ADCY1: variants seen among roughly 807,000 people sequenced by gnomAD.
ADCY1 encodes adenylate cyclase 1, also known as adenylate cyclase type 1.
A neutral mutation model predicts 105.4 loss-of-function variants in ADCY1; 28 were observed. The ratio of observed to expected loss-of-function variants is 0.27; its 90% CI spans 0.20 to 0.36. The LOEUF (loss-of-function observed/expected upper bound fraction) is 0.36, where lower values mean the gene tolerates loss of function less well. Ranked by LOEUF, ADCY1 falls within the 10% of genes least tolerant of loss-of-function variation. The pLI, the probability that ADCY1 is intolerant of heterozygous loss-of-function variation, is 1.00. For synonymous variants in ADCY1, 655 were observed against 623.8 expected (o/e 1.05, Z -0.75); for missense variants, 977 against 1,434.2 (o/e 0.68, Z 5.15).
At chr7:45,682,294 C>T (rs141881257) in intron 11 of ADCY1, among the ~76,000 whole-genome samples, 7 of 152,220 alleles carry the variant, frequency 4.6e-5, no homozygotes, top group African/African-American at 1.4e-4. Flanking sequence ...CTGCAGAGGG[C>T]GGCAGAGCTG....
intron 8 of ADCY1, among the ~76,000 whole-genome samples, chr7:45,671,876 C>T (rs1784374696): frequency 6.6e-6 from 1 of 152,026 alleles, no homozygotes; most frequent in Non-Finnish European, 1.5e-5. Context: ...CCTCCCAGTC[C>T]ATAGCTTGTC....
At chr7:45,611,195 A>C (rs1793580692) in intron 3 of ADCY1, among the ~76,000 whole-genome samples, 1 of 149,080 alleles carries the variant, frequency 6.7e-6, no homozygotes, top group East Asian at 2.0e-4. Context: ...GTGGGGAGAT[A>C]GGGGGAGTGT....
At chr7:45,697,480 T>TC (rs1173765756) in intron 14 of ADCY1, among the ~76,000 whole-genome samples, 1 of 138,112 alleles carries the variant, frequency 7.2e-6, no homozygotes, top group Admixed American at 8.2e-5. Context: ...AACCTCTCCC[T>TC]CCCGGGTTCA....
intron 4 of ADCY1, among the ~76,000 whole-genome samples, chr7:45,635,001 T>A (rs1794360609): frequency 6.6e-6 from 1 of 152,202 alleles, no homozygotes; most frequent in African/African-American, 2.4e-5. Flanking sequence ...TTTGGAATAG[T>A]TTTTGTAGAA....
chr7:45,583,127 T>C (rs970588198), intron 1 of ADCY1, among the ~76,000 whole-genome samples: 2 of 152,252 alleles, frequency 1.3e-5, no homozygotes, highest in African/African-American at 4.8e-5. Context: ...TGTGCCTGTG[T>C]GCACACATGT....
At chr7:45,606,390 TTTC>T (rs1223321911) in intron 2 of ADCY1, among the ~76,000 whole-genome samples, 3 of 152,176 alleles carry the variant, frequency 2.0e-5, no homozygotes, top group South Asian at 2.1e-4. Flanking sequence ...GTCTGGAAGT[TTTC>T]TTCTTGTGAG....
At chr7:45,628,539 T>TG (rs1437216396) in intron 4 of ADCY1, among the ~76,000 whole-genome samples, 1 of 152,082 alleles carries the variant, frequency 6.6e-6, no homozygotes, top group Non-Finnish European at 1.5e-5. Context: ...AAGGGGAACA[T>TG]GGGGAGTATA....
At position 45,686,159 on chromosome 7, in the gene ADCY1, C is replaced by T. The variant is rs183381014; in HGVS notation, c.2271C>T (p.Ser757=). The change falls in exon 13 of 20, where the codon TCC becomes TCT. Residue 757 remains serine, a synonymous_variant. Transcript: ENST00000297323. This position sits in a 1 kb window ranked among gnomAD's most constrained non-coding sequence, Gnocchi z 4.3. ...CCTTGCCAAAAATGATCCTGCTCTCCGGGCTCACCACGTCCTACATCCTCG... is the reference window on the plus strand; with the variant it reads ...CCTTGCCAAAAATGATCCTGCTCTCTGGGCTCACCACGTCCTACATCCTCG... The part of the protein sequence containing the change: ...VSSLPKMILL[S]GLTTSYILVL... 8.8e-5 allele frequency: 142 copies of T among 1,614,184 alleles called. No homozygotes were observed. Among genetic ancestry groups the T allele is most frequent in the Non-Finnish European group, 1.1e-4 (126 of 1,180,034 alleles).
chr7:45,591,329 C>G lies in ADCY1; in HGVS notation c.640-1430C>G, dbSNP rs910980520. Reference sequence around the variant, plus strand: ...CCCATCCTGCTGCCTGTAGCTTGGCCCGATCAGGGTGACACCCATCTGTCC... The same window carrying G: ...CCCATCCTGCTGCCTGTAGCTTGGCGCGATCAGGGTGACACCCATCTGTCC... On this transcript the variant is annotated intron_variant, in intron 1 of 19. Transcript: ENST00000297323. This position sits in a 1 kb window ranked among gnomAD's most constrained non-coding sequence, Gnocchi z 4.1. Among the ~76,000 whole-genome samples, 1 of 152,216 alleles carries G rather than the reference C, an allele frequency of 6.6e-6. No individual in the cohort carries two copies. Among genetic ancestry groups the G allele is most frequent in the Admixed American group, 6.5e-5 (1 of 15,284 alleles).
intron 6 of ADCY1, among the ~76,000 whole-genome samples, chr7:45,658,921 C>T (rs1376805335): frequency 6.6e-6 from 1 of 152,246 alleles, no homozygotes; most frequent in African/African-American, 2.4e-5. Flanking sequence ...CTGATGGGGA[C>T]ACCCAGGGAG....
chr7:45,698,219 G>A (rs1784925072), intron 14 of ADCY1, among the ~76,000 whole-genome samples: 1 of 152,056 alleles, frequency 6.6e-6, no homozygotes, highest in South Asian at 2.1e-4. Context: ...CTAGGGCAGT[G>A]TGGAACATGT....
chr7:45,653,878 T>C (rs1396111325), intron 5 of ADCY1, among the ~76,000 whole-genome samples: 2 of 152,204 alleles, frequency 1.3e-5, no homozygotes, highest in African/African-American at 4.8e-5. Context: ...TGGTTTCAGC[T>C]ACCTCATCCC....
At position 45,656,298 on chromosome 7, in the gene ADCY1, G is replaced by A. The variant is rs374440925; in HGVS notation, c.1149-1429G>A. Among the ~76,000 whole-genome samples, 198 of 147,324 alleles carry A rather than the reference G, an allele frequency of 1.3e-3. 5 individuals carry two copies. Among genetic ancestry groups the A allele is most frequent in the Admixed American group, 0.011 (168 of 15,018 alleles). On this transcript the variant is annotated intron_variant, in intron 5 of 19. Transcript: ENST00000297323. ...AGCCTGGGCGACAGAGCGAAACTCC[G>A]TCTCAAAAAAAAAAAAAAGTATATT...
At chr7:45,680,414 T>G (rs1019936607) in intron 11 of ADCY1, 1 of 155,246 alleles carries the variant, frequency 6.4e-6, no homozygotes, top group African/African-American at 2.4e-5. Flanking sequence ...TGGAGGACTG[T>G]ATAGTTCCTA....
intron 14 of ADCY1, among the ~76,000 whole-genome samples, chr7:45,695,896 C>G (rs1382725403): frequency 2.6e-5 from 4 of 152,248 alleles, no homozygotes; most frequent in Non-Finnish European, 5.9e-5. Context: ...CTGCAGAACT[C>G]AGTACTGCTA....
chr7:45,584,107 CT>C (rs1451596420), intron 1 of ADCY1, among the ~76,000 whole-genome samples: 1 of 151,950 alleles, frequency 6.6e-6, no homozygotes, highest in Non-Finnish European at 1.5e-5. Context: ...ACCATCATGC[CT>C]GGCTAATTTT....
At chr7:45,664,234 T>G (rs1001710031) in intron 8 of ADCY1, 5 of 1,490,094 alleles carry the variant, frequency 3.4e-6, no homozygotes, top group Non-Finnish European at 4.5e-6. Context: ...TGGCTAAAAT[T>G]TGGTCAAGCA....
chr7:45,577,377 G>C (rs916237010), intron 1 of ADCY1, among the ~76,000 whole-genome samples: 1 of 152,304 alleles, frequency 6.6e-6, no homozygotes, highest in South Asian at 2.1e-4. Flanking sequence ...CTTACAGTGG[G>C]GGGAGCAGGG....
At chr7:45,642,291 C>T (rs1794546865) in intron 4 of ADCY1, among the ~76,000 whole-genome samples, 1 of 152,100 alleles carries the variant, frequency 6.6e-6, no homozygotes, top group Admixed American at 6.6e-5. Context: ...TGCATGGGCT[C>T]AGGGCTATAG....
Sources: allele counts gnomAD v4.1 joint callset (sites outside exome capture counted in the v4.1 genomes callset), GRCh38; gene constraint gnomAD v4.1.1; non-coding constraint Gnocchi (gnomAD v3.1); transcripts MANE v1.5; gene names NCBI Gene and HGNC (gene_info 2026-07-23, HGNC 2026-07-21).